The following NRXN1 variants were observed in gnomAD, a reference collection of about 807,000 sequenced individuals.
NRXN1 encodes the protein neurexin-1.
A neutral mutation model predicts 150.9 loss-of-function variants in NRXN1; 39 were observed. The observed-to-expected ratio is 0.26, with a 90% CI of 0.20 to 0.34. NRXN1 has a LOEUF of 0.34. NRXN1 is among the 10% of genes least tolerant of loss of function. The pLI is 1.00. For synonymous variants in NRXN1, 924 were observed against 757.0 expected (o/e 1.22, Z -3.62); for missense variants, 1,815 against 1,949.9 (o/e 0.93, Z 1.30).
intron 2 of NRXN1, among the ~76,000 whole-genome samples, chr2:50,943,561 C>A (rs892924055): frequency 6.6e-6 from 1 of 152,116 alleles, no homozygotes; most frequent in Non-Finnish European, 1.5e-5. Flanking sequence ...TGAATTATCA[C>A]CCTAAGCAAG....
intron 22 of NRXN1, among the ~76,000 whole-genome samples, chr2:49,923,983 G>A (rs576347351): frequency 7.2e-5 from 11 of 152,286 alleles, no homozygotes; most frequent in African/African-American, 2.2e-4. Flanking sequence ...ATAATCCACA[G>A]TATTTGATTA....
intron 8 of NRXN1, among the ~76,000 whole-genome samples, chr2:50,596,844 C>T (rs554146723): frequency 1.8e-4 from 25 of 138,872 alleles, no homozygotes; most frequent in Admixed American, 3.7e-4. Flanking sequence ...CTATGAGGAA[C>T]GTGGGAAAAT....
At chr2:50,145,912 C>A (rs1268210614) in intron 18 of NRXN1, among the ~76,000 whole-genome samples, 1 of 151,264 alleles carries the variant, frequency 6.6e-6, no homozygotes, top group Admixed American at 6.6e-5. Context: ...TATGGTACTA[C>A]TTTAGGTGTT....
chr2:50,957,248 G>A (rs972222269), intron 2 of NRXN1, among the ~76,000 whole-genome samples: 5 of 152,080 alleles, frequency 3.3e-5, no homozygotes, highest in Admixed American at 1.3e-4. Flanking sequence ...AAATTTTGGC[G>A]CTGACACTTA....
intron 17 of NRXN1, among the ~76,000 whole-genome samples, chr2:50,335,768 C>T (rs2077147763): frequency 1.3e-5 from 2 of 152,154 alleles, no homozygotes; most frequent in South Asian, 4.1e-4. Flanking sequence ...AGGAAAGGAT[C>T]TCAATTTCAA....
chr2:50,112,165 A>G (rs1702459520), intron 18 of NRXN1, among the ~76,000 whole-genome samples: 1 of 152,086 alleles, frequency 6.6e-6, no homozygotes, highest in South Asian at 2.1e-4. Flanking sequence ...CAATTATAGG[A>G]CTTTAACCAC....
At position 50,383,611 on chromosome 2, in the gene NRXN1, C is replaced by T. The variant is rs542890106; in HGVS notation, c.3364+81831G>A. Among the ~76,000 whole-genome samples the T allele has an allele frequency of 4.4e-4, 67 of 152,230 alleles. 1 individual carries two copies. The highest frequency in any genetic ancestry group is 1.5e-4 in the Non-Finnish European group (10 of 68,000). On this transcript the variant is annotated intron_variant, in intron 17 of 22. Coordinates refer to ENST00000401669, the MANE Select transcript of NRXN1 (RefSeq NM_001330078.2). ...GCATTGGCCACACCCCCTACTATGG[C>T]TTTATTTTCTTCTCAGAAAGAATAA...
chr2:50,114,145 C>A (rs571777763), intron 18 of NRXN1, among the ~76,000 whole-genome samples: 1 of 152,140 alleles, frequency 6.6e-6, no homozygotes, highest in South Asian at 2.1e-4. Flanking sequence ...GTGAGATCCA[C>A]ACAAAGAACT....
At chr2:50,449,672 G>A (rs79693581) in intron 17 of NRXN1, among the ~76,000 whole-genome samples, 3,362 of 152,146 alleles carry the variant, frequency 0.022, 98 homozygotes, top group East Asian at 0.11. Flanking sequence ...TGTTACATGG[G>A]TATATGTCAC....
chr2:49,936,668 T>A (rs1253239369), intron 22 of NRXN1, among the ~76,000 whole-genome samples: 1 of 152,026 alleles, frequency 6.6e-6, no homozygotes, highest in Non-Finnish European at 1.5e-5. Flanking sequence ...ATGTCACAGT[T>A]CTTTTAAAAT....
chr2:50,969,500 A>G (rs1228107438), intron 2 of NRXN1, among the ~76,000 whole-genome samples: 1 of 152,178 alleles, frequency 6.6e-6, no homozygotes, highest in Non-Finnish European at 1.5e-5. Context: ...GTGGCTTTTA[A>G]TAGGTATTAA....
At chr2:50,108,359 T>C (rs1701947862) in intron 18 of NRXN1, among the ~76,000 whole-genome samples, 1 of 152,036 alleles carries the variant, frequency 6.6e-6, no homozygotes, top group Non-Finnish European at 1.5e-5. Context: ...GGTGCTTATA[T>C]AATAACCGAT....
chr2:50,821,138 T>C (rs1463066632), intron 5 of NRXN1, among the ~76,000 whole-genome samples: 1 of 152,128 alleles, frequency 6.6e-6, no homozygotes. Flanking sequence ...GGTTTATAAT[T>C]AAGAATATGA....
intron 17 of NRXN1, among the ~76,000 whole-genome samples, chr2:50,379,206 T>C (rs1168995172): frequency 6.6e-6 from 1 of 152,110 alleles, no homozygotes; most frequent in Non-Finnish European, 1.5e-5. Context: ...ACTATCCCCA[T>C]GACATTCAAA....
intron 9 of NRXN1, among the ~76,000 whole-genome samples, chr2:50,539,291 T>C (rs1416601065): frequency 6.6e-6 from 1 of 152,172 alleles, no homozygotes; most frequent in Non-Finnish European, 1.5e-5. Context: ...GTATAAATGT[T>C]TGTGATTATA....
rs561641628 is a variant in NRXN1, at chr2:50,506,174, C to T, written c.2497+321G>A. 2.6e-5 allele frequency among the ~76,000 whole-genome samples: 4 copies of T among 152,012 alleles called. 1 individual carries two copies. The South Asian group carries it at 8.3e-4, about 32-fold the overall frequency. ...AAAATATATACAAAACAAAGAAACT[C>T]AACAGAAATTGGCATCTAAACATGA... On this transcript the variant is annotated intron_variant, in intron 13 of 22. Coordinates refer to ENST00000401669, the MANE Select transcript of NRXN1 (RefSeq NM_001330078.2).
At chr2:50,963,630 C>A (rs570246718) in intron 2 of NRXN1, among the ~76,000 whole-genome samples, 1 of 151,684 alleles carries the variant, frequency 6.6e-6, no homozygotes, top group Admixed American at 6.6e-5. Flanking sequence ...GCCAGTTTAC[C>A]TGAATGAGGA....
chr2:50,936,229 C>T (rs1190614225), intron 2 of NRXN1, among the ~76,000 whole-genome samples: 23 of 152,114 alleles, frequency 1.5e-4, no homozygotes, highest in Non-Finnish European at 3.4e-4. Flanking sequence ...GCTAACCGGC[C>T]GACTGGTCAT....
intron 5 of NRXN1, among the ~76,000 whole-genome samples, chr2:50,732,934 C>T (rs891110865): frequency 6.6e-6 from 1 of 152,180 alleles, no homozygotes; most frequent in African/African-American, 2.4e-5. Context: ...TTGTGATTCA[C>T]ACCCAATGAT....
Sources: allele counts gnomAD v4.1 joint callset (sites outside exome capture counted in the v4.1 genomes callset), GRCh38; gene constraint gnomAD v4.1.1; transcripts MANE v1.5; gene names NCBI Gene and HGNC (gene_info 2026-07-23, HGNC 2026-07-21).